The following ATP8A2 variants were observed in gnomAD, a reference collection of about 807,000 sequenced individuals.
ATP8A2 encodes phospholipid-transporting ATPase IB.
A neutral mutation model predicts 165.6 loss-of-function variants in ATP8A2; 100 were observed. That is an observed-to-expected ratio of 0.60 (90% CI 0.51 to 0.71). The LOEUF is 0.71. Ranked by LOEUF, ATP8A2 falls within the 30% of genes least tolerant of loss-of-function variation. The probability of loss-of-function intolerance (pLI) is 0.00; values close to 1 mark genes in which losing one functional copy is unlikely to be tolerated. For missense variants in ATP8A2, 1,227 were observed against 1,479.5 expected (o/e 0.83, Z 2.80); for synonymous variants, 543 against 548.8 (o/e 0.99, Z 0.15).
At position 25,845,868 on chromosome 13, in the gene ATP8A2, T is replaced by C. The variant is rs369462021; in HGVS notation, c.2956+6244T>C. 3.9e-5 allele frequency among the ~76,000 whole-genome samples: 6 copies of C among 152,302 alleles called. No homozygotes were observed. In the East Asian group the frequency reaches 9.6e-4, roughly 24 times the overall value. ...CAACTTCTTAAACTCAATTATTCAC[T>C]CATTTTTGTAAAAAGATAAAAGAGT... On this transcript the variant is annotated intron_variant, in intron 30 of 36. Coordinates refer to ENST00000381655, the MANE Select transcript of ATP8A2 (RefSeq NM_016529.6).
intron 10 of ATP8A2, among the ~76,000 whole-genome samples, chr13:25,549,105 T>C (rs2038739068): frequency 6.6e-6 from 1 of 152,300 alleles, no homozygotes; most frequent in East Asian, 1.9e-4. Flanking sequence ...ACCATTTTTA[T>C]GGTTAGTGCC....
At chr13:25,663,764 C>T (rs2042097192) in intron 24 of ATP8A2, among the ~76,000 whole-genome samples, 1 of 152,148 alleles carries the variant, frequency 6.6e-6, no homozygotes, top group Non-Finnish European at 1.5e-5. Flanking sequence ...CTATTCTAGC[C>T]ATTTGCTGAG....
intron 36 of ATP8A2, among the ~76,000 whole-genome samples, chr13:26,015,105 G>T (rs909297777): frequency 2.0e-5 from 3 of 152,038 alleles, no homozygotes; most frequent in African/African-American, 7.2e-5. Flanking sequence ...ACTACTAAAT[G>T]CTTTTCTTAA....
chr13:25,998,918 T>C (rs3783144), intron 35 of ATP8A2, among the ~76,000 whole-genome samples: 105,430 of 151,946 alleles, frequency 0.69, 36,740 homozygotes, highest in East Asian at 0.84. Flanking sequence ...CTTTTCTCTC[T>C]GGAAGAGAAT....
chr13:25,492,763 A>C (rs761050145), intron 2 of ATP8A2, among the ~76,000 whole-genome samples: 3 of 152,146 alleles, frequency 2.0e-5, no homozygotes, highest in Non-Finnish European at 4.4e-5. Context: ...GTGGTGGGGA[A>C]AGTGTTTCCA....
Position 25,558,992 on chromosome 13 carries a change from A to C in ATP8A2, c.1283A>C (p.Asp428Ala). The C allele has an allele frequency of 3.1e-6, 5 of 1,610,388 alleles. No homozygotes were observed. The highest frequency in any genetic ancestry group is 8.5e-7 in the Non-Finnish European group (1 of 1,178,134). Residue 428 changes from aspartate (D) to alanine (A), a missense_variant, in exon 14 of 37, where the codon GAC (aspartate) becomes GCC (alanine). Around this residue, in one of 5 missense-constraint regions of ATP8A2, gnomAD observed 592 missense variants for 785.6 expected, o/e 0.75. Transcript: ENST00000381655. The stretch of plus-strand genomic sequence containing the variant: ...GTTTAGGTGAAATATCTCTTTTCTG[A>C]CAAGACTGGAACGCTTACATGCAAT... Reference protein sequence around the residue: ...ELGQVKYLFSDKTGTLTCNIM... With the variant: ...ELGQVKYLFSAKTGTLTCNIM...
chr13:26,013,420 A>G (rs1956891200), intron 36 of ATP8A2, among the ~76,000 whole-genome samples: 2 of 152,196 alleles, frequency 1.3e-5, no homozygotes, highest in Non-Finnish European at 2.9e-5. Flanking sequence ...CACGCCTGTA[A>G]TCCTAGAACT....
At position 25,824,122 on chromosome 13, in the gene ATP8A2, C is replaced by T. The variant is rs1179723475; in HGVS notation, c.2680-3996C>T. ...AGGAGCTGGGATTACAGGTGTGCAC[C>T]ACCACGCCTGGCTAATGTTTGTATT... On this transcript the variant is annotated intron_variant, in intron 27 of 36. Coordinates refer to ENST00000381655, the MANE Select transcript of ATP8A2 (RefSeq NM_016529.6). 2.0e-5 allele frequency among the ~76,000 whole-genome samples: 3 copies of T among 152,190 alleles called. No individual in the cohort carries two copies. In the East Asian group the frequency reaches 5.8e-4, roughly 30 times the overall value.
chr13:25,673,608 G>A (rs994842959), intron 24 of ATP8A2, among the ~76,000 whole-genome samples: 3 of 152,078 alleles, frequency 2.0e-5, no homozygotes, highest in Admixed American at 6.5e-5. Context: ...ACGCTGACTC[G>A]TTTCTCTACT....
At position 25,540,448 on chromosome 13, in the gene ATP8A2, C is replaced by T. The variant is rs138567303; in HGVS notation, c.651+60C>T. 5.3e-4 allele frequency: 638 copies of T among 1,193,974 alleles called. 3 individuals carry two copies. In the African/African-American group the frequency reaches 8.6e-3, roughly 16 times the overall value. 74.0% of individuals were successfully genotyped at this position (1,193,974 alleles called of 1,614,324 possible). ...TAGACACAACTGCAAATGTGGTCCC[C>T]ACATATCTTTTTCTAGAGAAATAAA... On this transcript the variant is annotated intron_variant, in intron 8 of 36. Transcript: ENST00000381655.
chr13:25,791,917 A>G (rs2045190087), intron 27 of ATP8A2, among the ~76,000 whole-genome samples: 2 of 151,958 alleles, frequency 1.3e-5, no homozygotes. Context: ...TTTGTGGGAG[A>G]CTTGCAAGAG....
chr13:25,730,573 C>T (rs760597394), intron 25 of ATP8A2, among the ~76,000 whole-genome samples: 1 of 152,072 alleles, frequency 6.6e-6, no homozygotes, highest in Non-Finnish European at 1.5e-5. Flanking sequence ...CAAGTAGTAT[C>T]CATTGCTGAT....
At chr13:25,946,968 G>A (rs1198598577) in intron 33 of ATP8A2, among the ~76,000 whole-genome samples, 1 of 152,120 alleles carries the variant, frequency 6.6e-6, no homozygotes, top group Non-Finnish European at 1.5e-5. Context: ...GGCTGGTCTT[G>A]AACTTCTGGC....
At chr13:25,844,852 C>G (rs1273172403) in intron 30 of ATP8A2, among the ~76,000 whole-genome samples, 1 of 152,154 alleles carries the variant, frequency 6.6e-6, no homozygotes, top group Non-Finnish European at 1.5e-5. Context: ...CTGCCTCCAC[C>G]ATCTATGGAG....
chr13:25,939,561 T>A (rs1194276591), intron 33 of ATP8A2, among the ~76,000 whole-genome samples: 1 of 152,126 alleles, frequency 6.6e-6, no homozygotes. Flanking sequence ...TTTCGCCATA[T>A]TGGGGATGTT....
At chr13:25,561,967 CTGAG>C (rs1317513222) in intron 15 of ATP8A2, among the ~76,000 whole-genome samples, 4 of 152,206 alleles carry the variant, frequency 2.6e-5, no homozygotes, top group African/African-American at 9.7e-5. Context: ...CTTTGGAAGG[CTGAG>C]TAATATGCGA....
intron 1 of ATP8A2, among the ~76,000 whole-genome samples, chr13:25,380,974 C>T (rs7981805): frequency 0.31 from 47,806 of 152,004 alleles, 7,791 homozygotes; most frequent in Admixed American, 0.35. Flanking sequence ...CAGTATCTCC[C>T]TCGGGCACAC....
At chr13:25,641,962 C>A (rs1320216995) in intron 24 of ATP8A2, among the ~76,000 whole-genome samples, 1 of 152,224 alleles carries the variant, frequency 6.6e-6, no homozygotes, top group Non-Finnish European at 1.5e-5. Context: ...CTACAACCAT[C>A]TGATCTTTGA....
chr13:25,978,931 C>CTACG lies in ATP8A2; in HGVS notation c.3377+10253_3377+10256dup, dbSNP rs758743667. On this transcript the variant is annotated intron_variant, in intron 35 of 36. Transcript: ENST00000381655. ...CTCCAGCCTGGGCGACAGAGCGAGA[C>CTACG]TACGGCTCAAAAAAAAAAGCCTCAG... 4.6e-5 allele frequency among the ~76,000 whole-genome samples: 7 copies of CTACG among 151,772 alleles called. No homozygotes were observed. In the South Asian group the frequency reaches 1.0e-3, roughly 23 times the overall value.
Sources: gnomAD v4.1 joint callset for allele counts (sites outside exome capture counted in the v4.1 genomes callset) on GRCh38, gnomAD v4.1.1 for gene constraint, gnomAD v4.1.1 regional missense constraint, MANE v1.5 for transcripts, NCBI Gene and HGNC (gene_info 2026-07-23, HGNC 2026-07-21) for gene names.